Variants in ADAP1 observed in about 807,000 individuals in gnomAD.
ADAP1 encodes ArfGAP with dual PH domains 1.
ADAP1 carries 31 observed loss-of-function variants against 54.9 expected under a neutral mutation model. The observed-to-expected ratio is 0.56, with a 90% CI of 0.42 to 0.76. The LOEUF (loss-of-function observed/expected upper bound fraction) is 0.76, where lower values mean the gene tolerates loss of function less well. Ranked by LOEUF, ADAP1 falls within the 30% of genes least tolerant of loss-of-function variation. The pLI, the probability that ADAP1 is intolerant of heterozygous loss-of-function variation, is 0.00. For synonymous variants in ADAP1, 313 were observed against 202.6 expected (o/e 1.55, Z -4.63); for missense variants, 535 against 512.4 (o/e 1.04, Z -0.42).
chr7:900,489 C>A (rs138109517), intron 7 of ADAP1, 44 bp downstream of exon 7: 18,865 of 1,395,536 alleles, frequency 0.014, 263 homozygotes, highest in South Asian at 0.032. Flanking sequence ...CCCCACCCCA[C>A]CACCCCTGTC....
In ADAP1 at chr7:938,569, C is replaced by CG. The variant is rs994296613; in HGVS notation, c.83-3065dup. Among the ~76,000 whole-genome samples, 13 of 152,192 alleles carry CG rather than the reference C, an allele frequency of 8.5e-5. No homozygotes were observed. The highest frequency in any genetic ancestry group is 2.9e-4 in the African/African-American group (12 of 41,460). The stretch of plus-strand genomic sequence containing the variant: ...CAGAAGAGAGAGACCTGACTCCCCC[C>CG]GGGCTCCGTCTTCTCCCGAAGCCTT... On this transcript the variant is annotated intron_variant, in intron 1 of 10. Coordinates refer to ENST00000265846, the MANE Select transcript of ADAP1 (RefSeq NM_006869.4). This position sits in a 1 kb window ranked among gnomAD's most constrained non-coding sequence, Gnocchi z 4.4.
intron 3 of ADAP1, chr7:921,006 T>TCTCTGGC: frequency 1.4e-6 from 1 of 733,086 alleles, no homozygotes; most frequent in Middle Eastern, 2.4e-4. Flanking sequence ...CCCAGCTGGG[T>TCTCTGGC]CTCTGGCCCC....
At chr7:955,044 C>G (rs1316323936), upstream of ADAP1, among the ~76,000 whole-genome samples, 1 of 152,178 alleles carries the variant, frequency 6.6e-6, no homozygotes, top group Non-Finnish European at 1.5e-5. Context: ...TCCTGTGCTA[C>G]GGACCAGGAC....
At chr7:904,342 A>G (rs1844982756) in intron 5 of ADAP1, 70 bp from the exon 6 acceptor site, 8 of 1,505,796 alleles carry the variant, frequency 5.3e-6, no homozygotes, top group Middle Eastern at 1.9e-4. Context: ...GGAAGGGCAG[A>G]CCCTGTGGGT....
Position 920,943 on chromosome 7 carries a change from G to C in ADAP1, c.306-893C>G. 1.4e-6 allele frequency: 2 copies of C among 1,397,584 alleles called. No homozygotes were observed. Among genetic ancestry groups the C allele is most frequent in the Non-Finnish European group, 2.0e-6 (2 of 1,016,710 alleles). 86.6% of individuals were successfully genotyped at this position (1,397,584 alleles called of 1,614,324 possible). ...GCTTCCTGCTGGGCCCACGTGAACAGCCTTGGAGACTGGGCGGGAATCCTC... is the reference window on the plus strand; with the variant it reads ...GCTTCCTGCTGGGCCCACGTGAACACCCTTGGAGACTGGGCGGGAATCCTC... On this transcript the variant is annotated intron_variant, in intron 3 of 10. Coordinates refer to ENST00000265846, the MANE Select transcript of ADAP1 (RefSeq NM_006869.4). This position sits in a 1 kb window ranked among gnomAD's most constrained non-coding sequence, Gnocchi z 4.5.
chr7:927,615 C>T (rs1037013830), intron 2 of ADAP1: 1 of 407,510 alleles, frequency 2.5e-6, no homozygotes, highest in Non-Finnish European at 4.9e-6. Flanking sequence ...TCACAAGCAA[C>T]AAGAGGCTGG....
chr7:954,357 G>A, intron 1 of ADAP1, 39 bp downstream of exon 1: 3 of 276,622 alleles, frequency 1.1e-5, no homozygotes, highest in Non-Finnish European at 1.1e-5. Context: ...CGCCCACCCC[G>A]GACCCACCCG....
In ADAP1 at chr7:920,278, C is replaced by CGGA. The variant is rs2128104958; in HGVS notation, c.306-231_306-229dup. ...ATTGGTTTCTTGTGCGTTCGGCCCCCGGAGCATCAGGCCTCACGTTCTGCA... is the reference window on the plus strand; with the variant it reads ...ATTGGTTTCTTGTGCGTTCGGCCCCCGGAGGAGCATCAGGCCTCACGTTCTGCA... On this transcript the variant is annotated intron_variant, in intron 3 of 10. Coordinates refer to ENST00000265846, the MANE Select transcript of ADAP1 (RefSeq NM_006869.4). The surrounding 1 kb of genome is among the most constrained non-coding windows in gnomAD (Gnocchi z 4.5). Among the ~76,000 whole-genome samples, 1 of 152,222 alleles carries CGGA rather than the reference C, an allele frequency of 6.6e-6. No individual in the cohort carries two copies. Among genetic ancestry groups the CGGA allele is most frequent in the South Asian group, 2.1e-4 (1 of 4,826 alleles).
chr7:919,573 TGA>T (rs1307332827), intron 4 of ADAP1, among the ~76,000 whole-genome samples: 1 of 138,818 alleles, frequency 7.2e-6, no homozygotes, highest in Non-Finnish European at 1.6e-5. Flanking sequence ...AGAGAGAGGA[TGA>T]GATAGACGTG....
In ADAP1 at chr7:920,160, G is replaced by T; in HGVS notation, c.306-110C>A. The T allele has an allele frequency of 3.2e-6, 3 of 939,112 alleles. No individual in the cohort carries two copies. The highest frequency in any genetic ancestry group is 1.5e-5 in the South Asian group (1 of 65,368). 58.2% of individuals were successfully genotyped at this position (939,112 alleles called of 1,614,324 possible). On this transcript the variant is annotated intron_variant, in intron 3 of 10. Coordinates refer to ENST00000265846, the MANE Select transcript of ADAP1 (RefSeq NM_006869.4). The surrounding 1 kb of genome is among the most constrained non-coding windows in gnomAD (Gnocchi z 4.5). ...TCTCAAGAGGCTCATAGGGACCCCC[G>T]GCAGACTCGAGCCGCCCCTCTGGGC...
At chr7:905,283 G>GA (rs1845065091) in intron 4 of ADAP1, 111 bp from the exon 5 acceptor site, 1 of 406,382 alleles carries the variant, frequency 2.5e-6, no homozygotes, top group Non-Finnish European at 4.1e-6. Context: ...GGGGGACACG[G>GA]ACGGGGGACA....
At chr7:928,051 C>CAA (rs5881886) in intron 2 of ADAP1, among the ~76,000 whole-genome samples, 3 of 104,552 alleles carry the variant, frequency 2.9e-5, no homozygotes, top group African/African-American at 6.6e-5. Context: ...CCCTGTCTCT[C>CAA]AAAAAAAAAA....
intron 1 of ADAP1, among the ~76,000 whole-genome samples, chr7:939,174 T>A (rs1227598671): frequency 1.3e-5 from 2 of 152,194 alleles, no homozygotes; most frequent in Non-Finnish European, 2.9e-5. Flanking sequence ...TGAGCGGTCG[T>A]TGACTAGCTG....
chr7:918,887 T>A (rs544555422), intron 4 of ADAP1, among the ~76,000 whole-genome samples: 2 of 144,524 alleles, frequency 1.4e-5, no homozygotes, highest in Non-Finnish European at 3.0e-5. Context: ...AGCCCCAGGG[T>A]TTAAATGAGA....
intron 8 of ADAP1, among the ~76,000 whole-genome samples, chr7:899,799 T>C (rs1321964948): frequency 1.3e-5 from 2 of 151,588 alleles, no homozygotes; most frequent in African/African-American, 4.9e-5. Flanking sequence ...TCCCAGGATT[T>C]GTGTCTCCCT....
intron 4 of ADAP1, 136 bp from the exon 5 acceptor site, chr7:905,308 C>CGTGCGGGGAGAGG: frequency 2.6e-6 from 1 of 390,206 alleles, no homozygotes; most frequent in Non-Finnish European, 4.6e-6. Flanking sequence ...CAGGGGGAGA[C>CGTGCGGGGAGAGG]GGACGGGGAG....
chr7:904,541 G>C (rs901409763), intron 5 of ADAP1, among the ~76,000 whole-genome samples: 2 of 152,168 alleles, frequency 1.3e-5, no homozygotes, highest in Non-Finnish European at 2.9e-5. Flanking sequence ...GCAGCCCCGG[G>C]CCCCACACGG....
Position 926,759 on chromosome 7 carries a change from C to A in ADAP1, c.214-115G>T. 1 of 856,408 alleles carries A rather than the reference C, an allele frequency of 1.2e-6. No individual in the cohort carries two copies. Among genetic ancestry groups the A allele is most frequent in the Non-Finnish European group, 1.7e-6 (1 of 579,264 alleles). The allele number at this position is 856,408 out of a possible 1,614,324, so 53.1% of individuals were successfully genotyped here. On this transcript the variant is annotated intron_variant, in intron 2 of 10. Coordinates refer to ENST00000265846, the MANE Select transcript of ADAP1 (RefSeq NM_006869.4). This position sits in a 1 kb window ranked among gnomAD's most constrained non-coding sequence, Gnocchi z 4.6. Reference sequence around the variant, plus strand: ...ACCCGCAGACCCAAGGCTCTGAGGGCTCCACCAGCACCAGGACGGGAACGC... The same window carrying A: ...ACCCGCAGACCCAAGGCTCTGAGGGATCCACCAGCACCAGGACGGGAACGC...
At chr7:927,141 T>C (rs1846418713) in intron 2 of ADAP1, 4 of 1,302,102 alleles carry the variant, frequency 3.1e-6, no homozygotes, top group Admixed American at 2.3e-5. Flanking sequence ...TAGGACAGAG[T>C]CTCTGAGGGG....
Sources: gnomAD v4.1 joint callset for allele counts (sites outside exome capture counted in the v4.1 genomes callset) on GRCh38, gnomAD v4.1.1 for gene constraint, Gnocchi (gnomAD v3.1) non-coding constraint, MANE v1.5 for transcripts, NCBI Gene and HGNC (gene_info 2026-07-23, HGNC 2026-07-21) for gene names.